Variants in LCLAT1 observed in about 807,000 individuals in gnomAD.
LCLAT1 encodes the protein 1-AGP acyltransferase 8.
A neutral mutation model predicts 30.7 loss-of-function variants in LCLAT1; 11 were observed. That is an observed-to-expected ratio of 0.36 (90% confidence interval 0.23 to 0.59). The LOEUF is 0.59. Ranked by LOEUF, LCLAT1 falls within the 20% of genes least tolerant of loss-of-function variation. LCLAT1 has a pLI of 0.77. For synonymous variants in LCLAT1, 155 were observed against 151.3 expected, an observed-to-expected ratio of 1.02 and a Z score of -0.18; for missense variants, 402 against 458.6, an observed-to-expected ratio of 0.88 and a Z score of 1.13.
intron 3 of LCLAT1, among the ~76,000 whole-genome samples, chr2:30,534,480 G>A (rs538416135): frequency 1.4e-4 from 22 of 152,170 alleles, no homozygotes; most frequent in African/African-American, 3.4e-4. Flanking sequence ...GGGTTTCACC[G>A]TGTTAGCCAG....
intron 2 of LCLAT1, among the ~76,000 whole-genome samples, chr2:30,530,271 T>C (rs576564062): frequency 6.6e-6 from 1 of 152,358 alleles, no homozygotes; most frequent in Non-Finnish European, 1.5e-5. Flanking sequence ...GTGTCTTTTT[T>C]CCCAGTCTTT....
intron 5 of LCLAT1, among the ~76,000 whole-genome samples, chr2:30,620,613 C>G (rs561430128): frequency 6.6e-6 from 1 of 152,194 alleles, no homozygotes; most frequent in Non-Finnish European, 1.5e-5. Flanking sequence ...CAAAATATGC[C>G]ACTTTATAAT....
intron 1 of LCLAT1, among the ~76,000 whole-genome samples, chr2:30,517,537 C>T (rs1435125756): frequency 1.3e-5 from 2 of 152,200 alleles, no homozygotes; most frequent in Non-Finnish European, 2.9e-5. Context: ...GAACTGGTAA[C>T]CCAGTACTTT....
chr2:30,578,940 A>G (rs916396368), intron 5 of LCLAT1, among the ~76,000 whole-genome samples: 2 of 152,200 alleles, frequency 1.3e-5, no homozygotes, highest in African/African-American at 4.8e-5. Flanking sequence ...AATTTTAGTT[A>G]TGGAAATTAT....
intron 3 of LCLAT1, among the ~76,000 whole-genome samples, chr2:30,542,311 T>C (rs1193587977): frequency 6.6e-6 from 1 of 152,206 alleles, no homozygotes; most frequent in African/African-American, 2.4e-5. Flanking sequence ...TTAATGGTCT[T>C]ACTTCTTAAC....
At chr2:30,505,218 G>A (rs1433096064) in intron 1 of LCLAT1, among the ~76,000 whole-genome samples, 1 of 151,926 alleles carries the variant, frequency 6.6e-6, no homozygotes, top group Admixed American at 6.6e-5. Flanking sequence ...ATTCAGAATA[G>A]CAATACCTAC....
intron 3 of LCLAT1, among the ~76,000 whole-genome samples, chr2:30,548,023 C>T (rs1664505271): frequency 6.6e-6 from 1 of 152,088 alleles, no homozygotes; most frequent in Non-Finnish European, 1.5e-5. Flanking sequence ...GGAAGACACA[C>T]ATACATCTCT....
chr2:30,470,188 G>A (rs1297328775), intron 1 of LCLAT1, among the ~76,000 whole-genome samples: 2 of 152,258 alleles, frequency 1.3e-5, no homozygotes, highest in South Asian at 2.1e-4. Flanking sequence ...ACCAGAACAC[G>A]AGGTCTGAAA....
intron 5 of LCLAT1, among the ~76,000 whole-genome samples, chr2:30,597,474 G>A (rs1666974173): frequency 6.6e-6 from 1 of 152,112 alleles, no homozygotes; most frequent in Non-Finnish European, 1.5e-5. Context: ...GAATGCTTGT[G>A]ACTTTTGCAC....
intron 5 of LCLAT1, among the ~76,000 whole-genome samples, chr2:30,572,099 A>G (rs1665804578): frequency 6.6e-6 from 1 of 152,150 alleles, no homozygotes; most frequent in African/African-American, 2.4e-5. Flanking sequence ...TTCATGTTGA[A>G]TTTTCAAATG....
At chr2:30,533,750 T>C (rs958031186) in intron 3 of LCLAT1, among the ~76,000 whole-genome samples, 4 of 152,250 alleles carry the variant, frequency 2.6e-5, no homozygotes, top group African/African-American at 9.6e-5. Flanking sequence ...GCTGGTACTT[T>C]CTGAACTTCC....
At chr2:30,572,847 T>C (rs1487132282) in intron 5 of LCLAT1, among the ~76,000 whole-genome samples, 1 of 152,048 alleles carries the variant, frequency 6.6e-6, no homozygotes, top group African/African-American at 2.4e-5. Context: ...CCTTTACCAG[T>C]TCCTCCTCCA....
intron 3 of LCLAT1, among the ~76,000 whole-genome samples, chr2:30,558,597 C>CAA (rs36075365): frequency 4.8e-5 from 4 of 83,214 alleles, no homozygotes; most frequent in Admixed American, 1.4e-4. Flanking sequence ...GACTTTGTCT[C>CAA]AAAAAAAAAA....
At chr2:30,611,124 G>C (rs1667717419) in intron 5 of LCLAT1, among the ~76,000 whole-genome samples, 1 of 146,558 alleles carries the variant, frequency 6.8e-6, no homozygotes, top group South Asian at 2.2e-4. Flanking sequence ...AGACTCATTA[G>C]CATTTTTCTT....
At chr2:30,467,113 C>G (rs922353732) in intron 1 of LCLAT1, among the ~76,000 whole-genome samples, 3 of 152,102 alleles carry the variant, frequency 2.0e-5, no homozygotes, top group African/African-American at 7.2e-5. Context: ...CGACAGGCCC[C>G]GATGTGTGAT....
chr2:30,580,213 G>A (rs546708005), intron 5 of LCLAT1, among the ~76,000 whole-genome samples: 2 of 152,252 alleles, frequency 1.3e-5, no homozygotes, highest in East Asian at 1.9e-4. Flanking sequence ...TCTTTTCTGT[G>A]TATGGTTGTA....
At chr2:30,467,698 G>A (rs1235362385) in intron 1 of LCLAT1, among the ~76,000 whole-genome samples, 1 of 152,212 alleles carries the variant, frequency 6.6e-6, no homozygotes, top group East Asian at 1.9e-4. Context: ...GTGATGATGA[G>A]CATTTTTTCA....
chr2:30,630,317 C>T (rs564040298), intron 5 of LCLAT1, among the ~76,000 whole-genome samples: 2 of 152,242 alleles, frequency 1.3e-5, no homozygotes, highest in South Asian at 4.1e-4. Flanking sequence ...AGGGCATCAA[C>T]ATAAGAATCT....
At chr2:30,562,708 CT>C (rs1665291746) in intron 4 of LCLAT1, among the ~76,000 whole-genome samples, 1 of 152,000 alleles carries the variant, frequency 6.6e-6, no homozygotes, top group Non-Finnish European at 1.5e-5. Context: ...AAATATCAGG[CT>C]TTTATCTTTA....
Sources: gnomAD v4.1 joint callset for allele counts (sites outside exome capture counted in the v4.1 genomes callset) on GRCh38, gnomAD v4.1.1 for gene constraint, MANE v1.5 for transcripts, NCBI Gene and HGNC (gene_info 2026-07-23, HGNC 2026-07-21) for gene names.